The following LRRC17 variants were observed in gnomAD, a reference collection of about 807,000 sequenced individuals.
LRRC17 encodes leucine-rich repeat-containing protein 17.
Under a neutral mutation model 41.5 loss-of-function variants are expected in LRRC17, and 33 were observed. That is an observed-to-expected ratio of 0.80 (90% CI 0.60 to 1.06). The LOEUF (loss-of-function observed/expected upper bound fraction) is 1.06. LRRC17 is among the 50% of genes least tolerant of loss of function. The pLI is 0.00. For missense variants in LRRC17, 491 were observed against 519.3 expected, an observed-to-expected ratio of 0.95 and a Z score of 0.53; for synonymous variants, 192 against 197.0, an observed-to-expected ratio of 0.97 and a Z score of 0.21.
chr7:102,938,925 T>C (rs1302166270), intron 2 of LRRC17, among the ~76,000 whole-genome samples: 28 of 152,226 alleles, frequency 1.8e-4, no homozygotes, highest in Non-Finnish European at 4.4e-5. Context: ...TTCTGCAGTT[T>C]ATATTCTTTT....
intron 1 of LRRC17, among the ~76,000 whole-genome samples, chr7:102,919,607 G>C (rs1816592395): frequency 6.6e-6 from 1 of 151,886 alleles, no homozygotes; most frequent in African/African-American, 2.4e-5. Context: ...ACCAACAAAG[G>C]AACAAAAAAT....
intron 2 of LRRC17, among the ~76,000 whole-genome samples, chr7:102,938,163 T>G (rs967436802): frequency 3.3e-5 from 5 of 152,240 alleles, no homozygotes; most frequent in Non-Finnish European, 5.9e-5. Context: ...AACGGATTTG[T>G]CAAGAATACA....
chr7:102,938,372 G>A (rs1011354540), intron 2 of LRRC17, among the ~76,000 whole-genome samples: 1 of 152,120 alleles, frequency 6.6e-6, no homozygotes, highest in Non-Finnish European at 1.5e-5. Flanking sequence ...AATAAACAGG[G>A]CCATTTATGT....
chr7:102,934,831 A>G (rs1397134760), intron 2 of LRRC17, 146 bp downstream of exon 2: 9 of 792,618 alleles, frequency 1.1e-5, no homozygotes, highest in African/African-American at 1.7e-5. Context: ...GGAATTTACC[A>G]CAAGTTTTTC....
intron 1 of LRRC17, among the ~76,000 whole-genome samples, chr7:102,918,007 C>A (rs1313224104): frequency 6.6e-6 from 1 of 152,132 alleles, no homozygotes; most frequent in African/African-American, 2.4e-5. Context: ...GCTGGCAAAT[C>A]ATTGTTGCCA....
Position 102,934,644 on chromosome 7 carries a change from AT to A in LRRC17, c.733del (p.Tyr245MetfsTer15). The A allele has an allele frequency of 6.2e-7, 1 of 1,605,740 alleles. No homozygotes were observed. Among genetic ancestry groups the A allele is most frequent in the Non-Finnish European group, 8.5e-7 (1 of 1,177,872 alleles). Reference protein sequence around the residue: ...KPEVDSTFCHNYVFPIQTLDC... With the variant: ...KPEVDSTFCHXYVFPIQTLDC... ...GAGGTGGACTCAACTTTTTGCCACAATTATGTGTTTCCCATACAAACACTGG... is the reference window on the plus strand; with the variant it reads ...GAGGTGGACTCAACTTTTTGCCACAATATGTGTTTCCCATACAAACACTGG... On this transcript the variant is annotated frameshift_variant, in exon 2 of 4. Transcript: ENST00000339431. LOFTEE classifies it high-confidence loss of function.
chr7:102,936,251 G>GT (rs1220757242), intron 2 of LRRC17: 4 of 152,236 alleles, frequency 2.6e-5, no homozygotes, highest in Non-Finnish European at 4.4e-5. Context: ...CAGGAAGATA[G>GT]TAACATTCCC....
At chr7:102,942,176 C>A (rs975583237) in intron 3 of LRRC17, 19 of 699,822 alleles carry the variant, frequency 2.7e-5, no homozygotes, top group Non-Finnish European at 4.2e-5. Flanking sequence ...GAGCACCTAC[C>A]AAATGCCAAG....
intron 1 of LRRC17, among the ~76,000 whole-genome samples, chr7:102,913,692 CA>C (rs1815229266): frequency 6.6e-6 from 1 of 152,106 alleles, no homozygotes; most frequent in Admixed American, 6.5e-5. Flanking sequence ...GGACAGAAGG[CA>C]AAACTGAATA....
intron 1 of LRRC17, among the ~76,000 whole-genome samples, chr7:102,914,283 G>A (rs759019952): frequency 2.0e-5 from 3 of 152,216 alleles, no homozygotes; most frequent in Non-Finnish European, 4.4e-5. Context: ...ATGTTGGCCA[G>A]GCTGGCCTCG....
At position 102,944,793 on chromosome 7, in the gene LRRC17, C is replaced by T. The variant is rs1822167564; in HGVS notation, c.*186C>T. On this transcript the variant is annotated 3_prime_UTR_variant, in exon 4 of 4. Transcript: ENST00000339431. ...CAAGAGAATGCTATCATCCTGCTTGCCTGTCCATTTGTGGAACAGCATCTG... is the reference window on the plus strand; with the variant it reads ...CAAGAGAATGCTATCATCCTGCTTGTCTGTCCATTTGTGGAACAGCATCTG... 3.7e-6 allele frequency: 2 copies of T among 546,490 alleles called. No individual in the cohort carries two copies. The highest frequency in any genetic ancestry group is 3.7e-5 in the Admixed American group (1 of 27,186). The allele number at this position is 546,490 out of a possible 1,614,324, so 33.9% of individuals were successfully genotyped here.
At chr7:102,928,415 T>C (rs544553412) in intron 1 of LRRC17, among the ~76,000 whole-genome samples, 1 of 152,328 alleles carries the variant, frequency 6.6e-6, no homozygotes, top group South Asian at 2.1e-4. Flanking sequence ...AGCTTAGAAA[T>C]CAAAGCTCTT....
rs527699665 is a variant in LRRC17 at position 102,944,597 on chromosome 7, T to C, written c.1316T>C (p.Ile439Thr). Residue 439 changes from isoleucine (I) to threonine (T), a missense_variant, in exon 4 of 4, where the codon ATA becomes ACA. Physicochemically the swap from Ile to Thr is moderately conservative, Grantham distance 89. Coordinates refer to ENST00000339431, the MANE Select transcript of LRRC17 (RefSeq NM_001031692.3). ...TAKKQSVIIT[I>T]VG The stretch of plus-strand genomic sequence containing the variant: ...AAGAAGCAAAGCGTAATAATTACTA[T>C]AGTAGGATAAGGTAGAAATTGTTCT... 11 of 1,599,560 alleles carry C rather than the reference T, an allele frequency of 6.9e-6. No individual in the cohort carries two copies. The East Asian group carries it at 8.9e-5, about 13-fold the overall frequency.
At position 102,913,107 on chromosome 7, in the gene LRRC17, C is replaced by T; in HGVS notation, c.-179C>T. 1 of 1,614,136 alleles carries T rather than the reference C, an allele frequency of 6.2e-7. No individual in the cohort carries two copies. Among genetic ancestry groups the T allele is most frequent in the Non-Finnish European group, 8.5e-7 (1 of 1,180,026 alleles). ...AAACCTGGGTGCAGCCAGAGAGGTC[C>T]AGATAGATGAGCTTGTGGCATCCAT... On this transcript the variant is annotated 5_prime_UTR_variant, in exon 1 of 4. Transcript: ENST00000339431.
intron 1 of LRRC17, among the ~76,000 whole-genome samples, chr7:102,922,739 G>A (rs847654): frequency 0.029 from 4,353 of 152,142 alleles, 221 homozygotes; most frequent in African/African-American, 0.098. Context: ...TTGGGAGGCC[G>A]AGGCGGGCGG....
chr7:102,944,012 A>G (rs1821964240), intron 3 of LRRC17, among the ~76,000 whole-genome samples, 198 bp from the exon 4 acceptor site: 1 of 152,232 alleles, frequency 6.6e-6, no homozygotes, highest in African/African-American at 2.4e-5. Flanking sequence ...ATTTAAAGAC[A>G]TTTCAAAGAG....
Position 102,913,535 on chromosome 7 carries a change from T to C in LRRC17, c.-141+390T>C, listed in dbSNP as rs139182817. On this transcript the variant is annotated intron_variant, in intron 1 of 3. Transcript: ENST00000339431. ...GTGTGAGGTGGGGGAGGCAATCATA[T>C]TGTTTGGAAGTGAAACCAAATTTGC... is the stretch of plus-strand genomic sequence containing the variant. Among the ~76,000 whole-genome samples, 568 of 152,304 alleles carry C rather than the reference T, an allele frequency of 3.7e-3. 6 individuals carry two copies. The highest frequency in any genetic ancestry group is 0.013 in the African/African-American group (561 of 41,564).
chr7:102,918,944 A>C (rs1816455255), intron 1 of LRRC17, among the ~76,000 whole-genome samples: 1 of 152,194 alleles, frequency 6.6e-6, no homozygotes, highest in Non-Finnish European at 1.5e-5. Context: ...ATCATAGTAC[A>C]GAATGCCTAA....
Position 102,916,656 on chromosome 7 carries a change from C to T in LRRC17, c.-141+3511C>T, listed in dbSNP as rs530650205. ...TTTATTCTGAATTTTGGCAAAGACGCGTGTCCCCTACATGAGTAAGATCTG... is the reference window on the plus strand; with the variant it reads ...TTTATTCTGAATTTTGGCAAAGACGTGTGTCCCCTACATGAGTAAGATCTG... On this transcript the variant is annotated intron_variant, in intron 1 of 3. Transcript: ENST00000339431. Among the ~76,000 whole-genome samples the T allele has an allele frequency of 3.3e-4, 50 of 152,254 alleles. 1 individual carries two copies. Among genetic ancestry groups the T allele is most frequent in the African/African-American group, 1.2e-3 (50 of 41,554 alleles).
Sources: gnomAD v4.1 joint callset for allele counts (sites outside exome capture counted in the v4.1 genomes callset) on GRCh38, gnomAD v4.1.1 for gene constraint, MANE v1.5 for transcripts, NCBI Gene and HGNC (gene_info 2026-07-23, HGNC 2026-07-21) for gene names.